The following CPM variants were observed in gnomAD, a reference collection of about 807,000 sequenced individuals.
CPM encodes carboxypeptidase M.
In CPM, 35 loss-of-function variants were observed where a neutral mutation model predicts 46.4. That is an observed-to-expected ratio of 0.75 (90% CI 0.58 to 1.00). The LOEUF is 1.00. Ranked by LOEUF, CPM falls within the 50% of genes least tolerant of loss-of-function variation. The pLI is 0.00. For missense variants in CPM, 422 were observed against 530.4 expected, an observed-to-expected ratio of 0.80 and a Z score of 2.01; for synonymous variants, 195 against 195.3, an observed-to-expected ratio of 1.00 and a Z score of 0.01.
At chr12:68,903,554 A>G (rs1887205326) in intron 2 of CPM, among the ~76,000 whole-genome samples, 1 of 152,240 alleles carries the variant, frequency 6.6e-6, no homozygotes, top group Non-Finnish European at 1.5e-5. Context: ...CCCATTTCAG[A>G]AGCAGCATGA....
intron 1 of CPM, among the ~76,000 whole-genome samples, chr12:68,941,199 G>T (rs974088954): frequency 2.0e-5 from 3 of 151,226 alleles, no homozygotes; most frequent in Non-Finnish European, 4.4e-5. Context: ...GTGTGTGTGT[G>T]TGTGTATATA....
chr12:68,929,284 T>A (rs1046667529), intron 2 of CPM, among the ~76,000 whole-genome samples: 1 of 152,190 alleles, frequency 6.6e-6, no homozygotes, highest in Non-Finnish European at 1.5e-5. Flanking sequence ...TTGCTTCCCA[T>A]GCCTTTTGCT....
chr12:68,958,211 A>G (rs1889056459), intron 1 of CPM, among the ~76,000 whole-genome samples: 2 of 152,142 alleles, frequency 1.3e-5, no homozygotes, highest in African/African-American at 2.4e-5. Context: ...ATACCCAGTA[A>G]TGGGATGGCT....
rs1342347380 is a variant in CPM, at chr12:68,933,129, CCCCCAG to C, written c.-4+7_-4+12del. The C allele has an allele frequency of 5.0e-5, 14 of 279,522 alleles. No homozygotes were observed. Among genetic ancestry groups the C allele is most frequent in the African/African-American group, 3.2e-4 (14 of 43,730 alleles). The allele number at this position is 279,522 out of a possible 1,614,324, so 17.3% of individuals were successfully genotyped here. A position where few individuals can be genotyped will look rare whatever the true frequency, so the allele number is the denominator to read the frequency against. On this transcript the variant is annotated splice_region_variant and intron_variant, in intron 1 of 8. Coordinates refer to ENST00000551568, the MANE Select transcript of CPM (RefSeq NM_198320.5). Reference sequence around the variant, plus strand: ...CCACAGCTGCGCCCGGCCCCGCGCACCCCCAGCCTCACCAGGTCCCAGGCGCGCACC... The same window carrying C: ...CCACAGCTGCGCCCGGCCCCGCGCACCCTCACCAGGTCCCAGGCGCGCACC...
chr12:68,924,166 A>C (rs889611372), intron 2 of CPM, among the ~76,000 whole-genome samples: 2 of 151,820 alleles, frequency 1.3e-5, no homozygotes, highest in Non-Finnish European at 2.9e-5. Flanking sequence ...AAAAAAAAAA[A>C]AAACCTAAAA....
chr12:68,921,636 C>T (rs2647951), intron 2 of CPM, among the ~76,000 whole-genome samples: 118,494 of 152,094 alleles, frequency 0.78, 46,596 homozygotes, highest in African/African-American at 0.9. Context: ...TCTCTGAGGC[C>T]TTCTCCTACA....
rs1293196196 is a variant in CPM, at chr12:68,853,162, C to T, written c.*3275G>A. 1 of 152,178 alleles carries T rather than the reference C, an allele frequency of 6.6e-6. No individual in the cohort carries two copies. 9.4% of individuals were successfully genotyped at this position (152,178 alleles called of 1,614,324 possible). ...TCAGCAAGAGATTTACATTAAGGCT[C>T]ATGAACTAATTCAGATTTTTGTTCG... On this transcript the variant is annotated 3_prime_UTR_variant, in exon 9 of 9. Transcript: ENST00000551568.
At chr12:68,945,242 C>T (rs937285229) in intron 1 of CPM, among the ~76,000 whole-genome samples, 1 of 152,164 alleles carries the variant, frequency 6.6e-6, no homozygotes, top group African/African-American at 2.4e-5. Flanking sequence ...TAGGGAGGGA[C>T]TGTTATCATC....
chr12:68,877,420 A>G lies in CPM; in HGVS notation c.259-5464T>C, dbSNP rs191373506. Reference sequence around the variant, plus strand: ...CCTGAGGAAGAACTTTCTGAAATTCACATGAGGACTTAAGGTGCTTTGTAA... The same window carrying G: ...CCTGAGGAAGAACTTTCTGAAATTCGCATGAGGACTTAAGGTGCTTTGTAA... On this transcript the variant is annotated intron_variant, in intron 3 of 8. Transcript: ENST00000551568. Among the ~76,000 whole-genome samples, 13 of 152,346 alleles carry G rather than the reference A, an allele frequency of 8.5e-5. No homozygotes were observed. In the East Asian group the frequency reaches 1.3e-3, roughly 16 times the overall value.
intron 3 of CPM, among the ~76,000 whole-genome samples, chr12:68,875,059 T>G (rs1313820833): frequency 1.3e-5 from 2 of 152,082 alleles, no homozygotes; most frequent in Non-Finnish European, 2.9e-5. Flanking sequence ...GAACAAAATA[T>G]AAAAGTTGAG....
At chr12:68,862,326 C>T (rs529974726) in intron 7 of CPM, among the ~76,000 whole-genome samples, 1 of 139,006 alleles carries the variant, frequency 7.2e-6, no homozygotes, top group East Asian at 1.9e-4. Context: ...CTTTCATCTC[C>T]CGGGTTCAAG....
chr12:68,916,906 AAG>A (rs1248317169), intron 2 of CPM, among the ~76,000 whole-genome samples: 26 of 142,738 alleles, frequency 1.8e-4, no homozygotes, highest in Non-Finnish European at 2.8e-4. Flanking sequence ...AAAAAAAAAA[AAG>A]AGAGAGAGAG....
intron 2 of CPM, among the ~76,000 whole-genome samples, chr12:68,931,770 AG>A (rs1888520677): frequency 1.4e-5 from 2 of 144,948 alleles, no homozygotes; most frequent in African/African-American, 5.2e-5. Context: ...AAAAAAAGAA[AG>A]AAAGAAAGAA....
intron 6 of CPM, among the ~76,000 whole-genome samples, chr12:68,867,739 C>G: frequency 6.6e-6 from 1 of 152,226 alleles, no homozygotes; most frequent in Non-Finnish European, 1.5e-5. Flanking sequence ...GCTGCACTGC[C>G]TCTCAGAGGT....
intron 2 of CPM, among the ~76,000 whole-genome samples, chr12:68,921,138 T>C (rs1888023644): frequency 7.1e-6 from 1 of 141,316 alleles, no homozygotes; most frequent in Non-Finnish European, 1.6e-5. Context: ...ATTTAAACAC[T>C]TTTTTTTTTT....
intron 1 of CPM, among the ~76,000 whole-genome samples, chr12:68,941,862 G>T (rs1368723414): frequency 7.2e-5 from 11 of 152,160 alleles, no homozygotes; most frequent in Non-Finnish European, 1.6e-4. Flanking sequence ...GTTTGTTTTT[G>T]ATAAAAAAGG....
At chr12:68,952,845 G>A (rs779984281) in intron 1 of CPM, among the ~76,000 whole-genome samples, 18 of 152,200 alleles carry the variant, frequency 1.2e-4, no homozygotes, top group Admixed American at 3.3e-4. Context: ...CTTCACAGAA[G>A]TAAGTAGAAA....
chr12:68,850,988 A>T (rs934534992), downstream of CPM, among the ~76,000 whole-genome samples: 1 of 152,050 alleles, frequency 6.6e-6, no homozygotes, highest in Non-Finnish European at 1.5e-5. Flanking sequence ...AACATATAGC[A>T]TATGTAACTT....
At chr12:68,881,610 T>C (rs1235474499) in intron 3 of CPM, among the ~76,000 whole-genome samples, 1 of 152,162 alleles carries the variant, frequency 6.6e-6, no homozygotes, top group Non-Finnish European at 1.5e-5. Context: ...CACACACAAA[T>C]ATCTGGAAAA....
Sources: allele counts gnomAD v4.1 joint callset (sites outside exome capture counted in the v4.1 genomes callset), GRCh38; gene constraint gnomAD v4.1.1; transcripts MANE v1.5; gene names NCBI Gene and HGNC (gene_info 2026-07-23, HGNC 2026-07-21).